PLCXD3: variants seen among roughly 807,000 people sequenced by gnomAD.
PLCXD3 encodes PI-PLC X domain-containing protein 3.
PLCXD3 carries 19 observed loss-of-function variants against 25.5 expected under a neutral mutation model. That is an observed-to-expected ratio of 0.75 (90% confidence interval 0.52 to 1.09). The LOEUF is 1.09. PLCXD3 is among the 50% of genes least tolerant of loss of function. The probability of loss-of-function intolerance (pLI) is 0.00; values close to 1 mark genes in which losing one functional copy is unlikely to be tolerated. For synonymous variants in PLCXD3, 174 were observed against 137.6 expected (o/e 1.26, Z -1.85); for missense variants, 411 against 388.1 (o/e 1.06, Z -0.50).
intron 1 of PLCXD3, among the ~76,000 whole-genome samples, chr5:41,398,367 C>A (rs1268300591): frequency 6.6e-6 from 1 of 152,160 alleles, no homozygotes; most frequent in Admixed American, 6.5e-5. Context: ...GTAAAATCTG[C>A]TTGCTTTCCC....
intron 1 of PLCXD3, among the ~76,000 whole-genome samples, chr5:41,440,520 G>T (rs754816666): frequency 1.3e-5 from 2 of 151,656 alleles, no homozygotes; most frequent in South Asian, 2.1e-4. Flanking sequence ...GGTGTGAGCC[G>T]CCAGGCCCAG....
chr5:41,494,354 T>A (rs973753767), intron 1 of PLCXD3, among the ~76,000 whole-genome samples: 3 of 152,216 alleles, frequency 2.0e-5, no homozygotes, highest in Non-Finnish European at 4.4e-5. Context: ...AGTAGAAATA[T>A]TCATATGGGA....
At chr5:41,470,131 TA>T (rs1369987478) in intron 1 of PLCXD3, among the ~76,000 whole-genome samples, 33 of 152,190 alleles carry the variant, frequency 2.2e-4, no homozygotes, top group African/African-American at 7.7e-4. Context: ...CACAGCAGAT[TA>T]AATATGCATG....
intron 1 of PLCXD3, among the ~76,000 whole-genome samples, chr5:41,440,684 G>C (rs186816992): frequency 1.7e-3 from 266 of 152,186 alleles, no homozygotes; most frequent in Non-Finnish European, 2.5e-3. Flanking sequence ...ATGGGTGTTA[G>C]CTATTATGAT....
intron 2 of PLCXD3, among the ~76,000 whole-genome samples, chr5:41,323,719 G>GTA (rs1034150437): frequency 2.6e-4 from 39 of 151,994 alleles, no homozygotes; most frequent in African/African-American, 8.4e-4. Context: ...TAGCAGCAGT[G>GTA]TATATATATA....
At chr5:41,417,161 G>T (rs1746712759) in intron 1 of PLCXD3, among the ~76,000 whole-genome samples, 1 of 152,078 alleles carries the variant, frequency 6.6e-6, no homozygotes, top group East Asian at 1.9e-4. Context: ...TAAATCATAG[G>T]GCTCCCTACA....
At chr5:41,430,808 C>A (rs1197950014) in intron 1 of PLCXD3, among the ~76,000 whole-genome samples, 1 of 152,050 alleles carries the variant, frequency 6.6e-6, no homozygotes, top group Non-Finnish European at 1.5e-5. Context: ...AAATATTATT[C>A]TTTAAAAGTT....
intron 2 of PLCXD3, among the ~76,000 whole-genome samples, chr5:41,316,926 G>A (rs1191114585): frequency 6.6e-6 from 1 of 152,228 alleles, no homozygotes; most frequent in Non-Finnish European, 1.5e-5. Flanking sequence ...GGGCTTGGGG[G>A]ACCTTGCCAT....
intron 2 of PLCXD3, among the ~76,000 whole-genome samples, chr5:41,317,604 A>G (rs889077314): frequency 3.9e-5 from 6 of 152,106 alleles, no homozygotes; most frequent in East Asian, 1.9e-4. Context: ...AGGAAACTCA[A>G]ATAGGTTCAA....
At chr5:41,315,915 A>C (rs1416343256) in intron 2 of PLCXD3, among the ~76,000 whole-genome samples, 1 of 152,222 alleles carries the variant, frequency 6.6e-6, no homozygotes, top group Non-Finnish European at 1.5e-5. Context: ...AGTGCCTGCA[A>C]ATCTCACCAC....
At chr5:41,366,259 A>G (rs547524258) in intron 2 of PLCXD3, among the ~76,000 whole-genome samples, 3 of 152,316 alleles carry the variant, frequency 2.0e-5, no homozygotes, top group Non-Finnish European at 2.9e-5. Context: ...TAAGCCACAC[A>G]ATGTTGGAAA....
At chr5:41,321,743 AAAT>A (rs1394812235) in intron 2 of PLCXD3, among the ~76,000 whole-genome samples, 1 of 152,200 alleles carries the variant, frequency 6.6e-6, no homozygotes, top group Non-Finnish European at 1.5e-5. Flanking sequence ...GACCAAGAGA[AAAT>A]AATAAATACA....
chr5:41,342,824 A>C (rs1343125308), intron 2 of PLCXD3, among the ~76,000 whole-genome samples: 3 of 152,184 alleles, frequency 2.0e-5, no homozygotes, highest in Non-Finnish European at 4.4e-5. Flanking sequence ...TAGCTATTTT[A>C]ATAAGCTGAA....
At chr5:41,396,843 T>C (rs1263042639) in intron 1 of PLCXD3, among the ~76,000 whole-genome samples, 1 of 152,232 alleles carries the variant, frequency 6.6e-6, no homozygotes, top group Non-Finnish European at 1.5e-5. Context: ...GCTCCTGCTC[T>C]AGAGATCTGT....
intron 1 of PLCXD3, among the ~76,000 whole-genome samples, chr5:41,388,258 G>C (rs975015175): frequency 6.6e-6 from 1 of 152,044 alleles, no homozygotes; most frequent in Non-Finnish European, 1.5e-5. Context: ...CATTTACTGA[G>C]CATCAGCTGT....
At chr5:41,482,963 T>C (rs1748444561) in intron 1 of PLCXD3, among the ~76,000 whole-genome samples, 1 of 152,236 alleles carries the variant, frequency 6.6e-6, no homozygotes, top group Non-Finnish European at 1.5e-5. Context: ...ACGGCCATTC[T>C]AGTTTCTATT....
At chr5:41,496,174 C>G (rs1013513556) in intron 1 of PLCXD3, among the ~76,000 whole-genome samples, 2 of 150,484 alleles carry the variant, frequency 1.3e-5, no homozygotes, top group African/African-American at 4.9e-5. Context: ...GTCAGAGGAA[C>G]AAAAAGAAAA....
chr5:41,450,353 C>T (rs1374965221), intron 1 of PLCXD3, among the ~76,000 whole-genome samples: 1 of 152,080 alleles, frequency 6.6e-6, no homozygotes, highest in East Asian at 1.9e-4. Flanking sequence ...CTTCTCTGCT[C>T]TGTTTTTCAA....
At chr5:41,393,893 A>G (rs927360680) in intron 1 of PLCXD3, among the ~76,000 whole-genome samples, 2 of 152,096 alleles carry the variant, frequency 1.3e-5, no homozygotes, top group Non-Finnish European at 2.9e-5. Context: ...TCGCACCACT[A>G]CACTCCAGTC....
Sources: gnomAD v4.1 joint callset for allele counts (sites outside exome capture counted in the v4.1 genomes callset) on GRCh38, gnomAD v4.1.1 for gene constraint, MANE v1.5 for transcripts, NCBI Gene and HGNC (gene_info 2026-07-23, HGNC 2026-07-21) for gene names.